RABGAP1L: variants seen among roughly 807,000 people sequenced by gnomAD.
RABGAP1L encodes rab GTPase-activating protein 1-like.
RABGAP1L carries 63 observed loss-of-function variants against 137.7 expected under a neutral mutation model. That is an observed-to-expected ratio of 0.46 (90% confidence interval 0.37 to 0.56). The LOEUF (loss-of-function observed/expected upper bound fraction) is 0.56. Ranked by LOEUF, RABGAP1L falls within the 20% of genes least tolerant of loss-of-function variation. RABGAP1L has a pLI of 0.00. For synonymous variants in RABGAP1L, 431 were observed against 433.7 expected, an observed-to-expected ratio of 0.99 and a Z score of 0.08; for missense variants, 1,095 against 1,244.0, an observed-to-expected ratio of 0.88 and a Z score of 1.80.
chr1:174,438,452 C>G (rs1197955493), intron 13 of RABGAP1L, among the ~76,000 whole-genome samples: 2 of 151,964 alleles, frequency 1.3e-5, no homozygotes, highest in African/African-American at 4.8e-5. Flanking sequence ...GGCGCAGTGG[C>G]TCACGTCTGT....
intron 18 of RABGAP1L, among the ~76,000 whole-genome samples, chr1:174,805,797 C>A (rs969470349): frequency 1.3e-5 from 2 of 152,082 alleles, no homozygotes; most frequent in African/African-American, 4.8e-5. Context: ...CCACTGCGCC[C>A]GGCCTATTAG....
At chr1:174,471,503 A>C (rs1276906253) in intron 13 of RABGAP1L, among the ~76,000 whole-genome samples, 1 of 152,234 alleles carries the variant, frequency 6.6e-6, no homozygotes, top group Non-Finnish European at 1.5e-5. Context: ...TCAGAATTTA[A>C]TATTAGGAAA....
In RABGAP1L at chr1:174,675,173, A is replaced by T. The variant is rs1447831855; in HGVS notation, c.1825-8349A>T. ...CATGAAGTCTTTGCCCATGCCTATG[A>T]CCTGAATGGTAATGCCTAGGTTTTC... On this transcript the variant is annotated intron_variant, in intron 14 of 25. Transcript: ENST00000681986. Among the ~76,000 whole-genome samples the T allele has an allele frequency of 9.9e-5, 15 of 152,268 alleles. 1 individual carries two copies. The South Asian group carries it at 2.5e-3, about 25-fold the overall frequency.
chr1:174,446,089 T>TGAG (rs1654730501), intron 13 of RABGAP1L, among the ~76,000 whole-genome samples: 1 of 152,112 alleles, frequency 6.6e-6, no homozygotes, highest in Non-Finnish European at 1.5e-5. Flanking sequence ...CAGCCCAGGA[T>TGAG]GAGGAGGAGG....
chr1:174,370,056 A>G (rs1487784316), intron 11 of RABGAP1L, among the ~76,000 whole-genome samples: 2 of 152,216 alleles, frequency 1.3e-5, no homozygotes, highest in African/African-American at 4.8e-5. Context: ...GTGGTATGCT[A>G]AGTAATACTA....
In RABGAP1L at chr1:174,811,866, A is replaced by C; in HGVS notation, c.2246A>C (p.Glu749Ala). ...SKEDLLQADF[E>A]GALKFFRVQL... Reference sequence around the variant, plus strand: ...GAAGACCTTCTGCAGGCTGATTTTGAAGGTGCTTTAAAGTTCTTTAGAGTT... The same window carrying C: ...GAAGACCTTCTGCAGGCTGATTTTGCAGGTGCTTTAAAGTTCTTTAGAGTT... Residue 749 changes from glutamate to alanine, a missense_variant, in exon 19 of 26, where the codon GAA (glutamate) becomes GCA (alanine). Physicochemically the swap from Glu to Ala is moderately radical, Grantham distance 107. Transcript: ENST00000681986. The C allele has an allele frequency of 1.9e-6, 3 of 1,604,204 alleles. No individual in the cohort carries two copies. Among genetic ancestry groups the C allele is most frequent in the Non-Finnish European group, 1.7e-6 (2 of 1,175,426 alleles).
intron 5 of RABGAP1L, among the ~76,000 whole-genome samples, chr1:174,247,615 A>T (rs184244047): frequency 6.4e-4 from 97 of 152,308 alleles, no homozygotes; most frequent in African/African-American, 2.2e-3. Context: ...CCCTTGCCCC[A>T]CATGTTCCTG....
chr1:174,632,451 T>C (rs903949477), intron 13 of RABGAP1L, among the ~76,000 whole-genome samples: 4 of 149,252 alleles, frequency 2.7e-5, no homozygotes, highest in Admixed American at 2.0e-4. Context: ...CCTTGCTAGA[T>C]TGGGGAAGTT....
At chr1:174,687,589 T>A (rs1226688964) in intron 15 of RABGAP1L, among the ~76,000 whole-genome samples, 3 of 152,232 alleles carry the variant, frequency 2.0e-5, no homozygotes, top group Non-Finnish European at 2.9e-5. Context: ...TTTGTCTCCC[T>A]GGTTTAAACA....
chr1:174,667,529 C>T (rs1009045227), intron 14 of RABGAP1L, among the ~76,000 whole-genome samples: 4 of 152,188 alleles, frequency 2.6e-5, no homozygotes, highest in Admixed American at 6.5e-5. Flanking sequence ...AAGAACTTAG[C>T]ATTCCATCTG....
At chr1:174,254,377 T>C (rs1020782069) in intron 7 of RABGAP1L, among the ~76,000 whole-genome samples, 1 of 152,198 alleles carries the variant, frequency 6.6e-6, no homozygotes, top group Non-Finnish European at 1.5e-5. Context: ...ACATGCAGGT[T>C]TGTTACGTAG....
At chr1:174,346,627 CTTTT>C (rs965330204) in intron 11 of RABGAP1L, among the ~76,000 whole-genome samples, 2 of 150,482 alleles carry the variant, frequency 1.3e-5, no homozygotes, top group Non-Finnish European at 3.0e-5. Context: ...TGGGGCTTCT[CTTTT>C]TTTTTCTTAG....
intron 19 of RABGAP1L, among the ~76,000 whole-genome samples, chr1:174,831,410 T>C (rs1467253219): frequency 6.7e-6 from 1 of 148,226 alleles, no homozygotes; most frequent in Non-Finnish European, 1.5e-5. Flanking sequence ...TTGCCCTTTT[T>C]TCCTGAGGAT....
At chr1:174,638,263 A>C (rs1674226629) in intron 14 of RABGAP1L, among the ~76,000 whole-genome samples, 1 of 152,274 alleles carries the variant, frequency 6.6e-6, no homozygotes, top group South Asian at 2.1e-4. Context: ...TGAATAATCC[A>C]ATTTAGCCTT....
chr1:174,663,514 A>G (rs1464929162), intron 14 of RABGAP1L, among the ~76,000 whole-genome samples: 2 of 152,228 alleles, frequency 1.3e-5, no homozygotes, highest in African/African-American at 4.8e-5. Flanking sequence ...TGTTTGCACA[A>G]CAACAAAATT....
At position 174,721,392 on chromosome 1, in the gene RABGAP1L, C is replaced by T. The variant is rs150525616; in HGVS notation, c.2169+19136C>T. Among the ~76,000 whole-genome samples the T allele has an allele frequency of 1.3e-3, 199 of 152,286 alleles. 1 individual carries two copies. Among genetic ancestry groups the T allele is most frequent in the African/African-American group, 4.5e-3 (187 of 41,568 alleles). ...CACAAAACTTAAGGGAAATATCCAG[C>T]AATATTTCTGTGGTTGCTTTGTTTT... On this transcript the variant is annotated intron_variant, in intron 17 of 25. Transcript: ENST00000681986.
intron 19 of RABGAP1L, among the ~76,000 whole-genome samples, chr1:174,886,613 C>A (rs1479923075): frequency 6.6e-6 from 1 of 152,138 alleles, no homozygotes; most frequent in African/African-American, 2.4e-5. Flanking sequence ...TTAAAACTTC[C>A]ATTATCAATT....
intron 19 of RABGAP1L, among the ~76,000 whole-genome samples, chr1:174,903,370 G>A (rs1658456860): frequency 6.6e-6 from 1 of 152,194 alleles, no homozygotes; most frequent in South Asian, 2.1e-4. Flanking sequence ...TTCAGATTAT[G>A]AGTGGAATGT....
chr1:174,216,470 T>A (rs758285422), intron 1 of RABGAP1L, among the ~76,000 whole-genome samples: 111 of 151,950 alleles, frequency 7.3e-4, no homozygotes, highest in Non-Finnish European at 1.0e-3. Context: ...AGTAATTTTT[T>A]AAATAATTTT....
Sources: gnomAD v4.1 joint callset for allele counts (sites outside exome capture counted in the v4.1 genomes callset) on GRCh38, gnomAD v4.1.1 for gene constraint, MANE v1.5 for transcripts, NCBI Gene and HGNC (gene_info 2026-07-23, HGNC 2026-07-21) for gene names.